VAV3: variants seen among roughly 807,000 people sequenced by gnomAD.
VAV3 encodes guanine nucleotide exchange factor VAV3.
In VAV3, 94 loss-of-function variants were observed where a neutral mutation model predicts 131.2. The ratio of observed to expected loss-of-function variants is 0.72; its 90% CI spans 0.61 to 0.85. VAV3 has a LOEUF of 0.85. VAV3 is among the 40% of genes least tolerant of loss of function. The pLI is 0.00. For synonymous variants in VAV3, 349 were observed against 342.0 expected (o/e 1.02, Z -0.22); for missense variants, 939 against 1,002.7 (o/e 0.94, Z 0.86).
At chr1:107,960,238 C>T (rs1020456807) in intron 1 of VAV3, among the ~76,000 whole-genome samples, 1 of 152,124 alleles carries the variant, frequency 6.6e-6, no homozygotes, top group African/African-American at 2.4e-5. Context: ...GAGGCCAAGG[C>T]GGGTGGACTG....
chr1:107,931,999 G>A (rs1673460169), intron 1 of VAV3, among the ~76,000 whole-genome samples: 1 of 152,212 alleles, frequency 6.6e-6, no homozygotes, highest in Admixed American at 6.5e-5. Flanking sequence ...TTTTTCTTAT[G>A]GCCAACCAGC....
chr1:107,584,363 C>G (rs1030381942), intron 25 of VAV3, among the ~76,000 whole-genome samples: 1 of 152,170 alleles, frequency 6.6e-6, no homozygotes, highest in Non-Finnish European at 1.5e-5. Context: ...GACTTCATGT[C>G]TAAAACACCA....
intron 17 of VAV3, among the ~76,000 whole-genome samples, chr1:107,688,887 CTT>C (rs1659219041): frequency 6.6e-6 from 1 of 151,956 alleles, no homozygotes; most frequent in African/African-American, 2.4e-5. Flanking sequence ...GTGGCTATAA[CTT>C]TTATTTTTAA....
intron 1 of VAV3, among the ~76,000 whole-genome samples, chr1:107,931,304 A>ATG (rs2101206059): frequency 6.6e-6 from 1 of 152,368 alleles, no homozygotes; most frequent in African/African-American, 2.4e-5. Flanking sequence ...CAAAAACAGC[A>ATG]TGATGCCTGG....
intron 3 of VAV3, 140 bp from the exon 4 acceptor site, chr1:107,777,436 T>C (rs530592720): frequency 1.3e-6 from 1 of 741,216 alleles, no homozygotes; most frequent in Non-Finnish European, 2.2e-6. Context: ...TGTCTAACAA[T>C]ATCTAGGGCT....
intron 19 of VAV3, among the ~76,000 whole-genome samples, chr1:107,667,837 T>G (rs1466026999): frequency 6.6e-6 from 1 of 152,144 alleles, no homozygotes; most frequent in Non-Finnish European, 1.5e-5. Context: ...GGCACACTAA[T>G]GAAAGATCTA....
At chr1:107,849,138 C>T (rs1432804557) in intron 2 of VAV3, among the ~76,000 whole-genome samples, 1 of 152,034 alleles carries the variant, frequency 6.6e-6, no homozygotes, top group Non-Finnish European at 1.5e-5. Flanking sequence ...GTGAAAATGG[C>T]CATACCGCCC....
At chr1:107,815,558 A>G (rs1029806594) in intron 2 of VAV3, among the ~76,000 whole-genome samples, 2 of 152,174 alleles carry the variant, frequency 1.3e-5, no homozygotes, top group African/African-American at 4.8e-5. Flanking sequence ...TTCCTTTCCA[A>G]TTTAAATCAT....
chr1:107,806,965 G>A (rs1477338808), intron 2 of VAV3, among the ~76,000 whole-genome samples: 1 of 152,168 alleles, frequency 6.6e-6, no homozygotes, highest in East Asian at 1.9e-4. Context: ...TAAATACTAT[G>A]TAAATAGTTG....
chr1:107,728,624 T>TCC (rs1662015541), intron 15 of VAV3, among the ~76,000 whole-genome samples: 1 of 103,670 alleles, frequency 9.6e-6, no homozygotes, highest in African/African-American at 3.2e-5. Context: ...TATATGTATA[T>TCC]GTATATGTAT....
chr1:107,592,340 C>A (rs1324019322), intron 25 of VAV3, among the ~76,000 whole-genome samples: 1 of 152,014 alleles, frequency 6.6e-6, no homozygotes, highest in Admixed American at 6.6e-5. Context: ...CTGCTTGGAG[C>A]ATTATATTAG....
chr1:107,704,728 A>T, intron 16 of VAV3, 78 bp from the exon 17 acceptor site: 1 of 1,243,416 alleles, frequency 8.0e-7, no homozygotes, highest in Non-Finnish European at 1.2e-6. Context: ...AGAAGAAGAA[A>T]AAAAGTATCA....
At chr1:107,656,577 A>G (rs1247121058) in intron 19 of VAV3, among the ~76,000 whole-genome samples, 4 of 152,168 alleles carry the variant, frequency 2.6e-5, no homozygotes, top group Admixed American at 6.5e-5. Context: ...AATCCATTGC[A>G]TATTTCAAAA....
intron 25 of VAV3, among the ~76,000 whole-genome samples, chr1:107,588,313 G>C (rs1650662552): frequency 6.6e-6 from 1 of 152,202 alleles, no homozygotes; most frequent in Admixed American, 6.5e-5. Flanking sequence ...AACTAACTTA[G>C]TCCATAGAAT....
chr1:107,801,275 A>G (rs4636492), intron 2 of VAV3, among the ~76,000 whole-genome samples: 81,667 of 151,938 alleles, frequency 0.54, 23,159 homozygotes, highest in African/African-American at 0.65. Flanking sequence ...TGTTGCTCAG[A>G]ATTGCTTTAG....
intron 2 of VAV3, among the ~76,000 whole-genome samples, chr1:107,853,059 T>C (rs1669300015): frequency 6.6e-6 from 1 of 152,238 alleles, no homozygotes; most frequent in Non-Finnish European, 1.5e-5. Context: ...GCATGTTTAC[T>C]GGTCACTCAT....
intron 15 of VAV3, among the ~76,000 whole-genome samples, chr1:107,708,775 T>A (rs994052183): frequency 6.6e-5 from 10 of 152,106 alleles, no homozygotes; most frequent in African/African-American, 1.9e-4. Context: ...TCACAATGAA[T>A]TTTTCCCTCT....
chr1:107,899,773 A>C (rs983025453), intron 1 of VAV3, among the ~76,000 whole-genome samples: 1 of 152,212 alleles, frequency 6.6e-6, no homozygotes, highest in African/African-American at 2.4e-5. Flanking sequence ...TAACATGCCT[A>C]AAGCCAAACT....
intron 1 of VAV3, among the ~76,000 whole-genome samples, chr1:107,939,316 TG>T (rs1440816699): frequency 6.6e-6 from 1 of 152,196 alleles, no homozygotes; most frequent in Non-Finnish European, 1.5e-5. Flanking sequence ...TTTACACAGA[TG>T]GTCCTAGGCT....
Sources: gnomAD v4.1 joint callset for allele counts (sites outside exome capture counted in the v4.1 genomes callset) on GRCh38, gnomAD v4.1.1 for gene constraint, MANE v1.5 for transcripts, NCBI Gene and HGNC (gene_info 2026-07-23, HGNC 2026-07-21) for gene names.